OXR1: variants seen among roughly 807,000 people sequenced by gnomAD.
OXR1 encodes oxidation resistance 1.
In OXR1, 41 loss-of-function variants were observed where a neutral mutation model predicts 104.6. The ratio of observed to expected loss-of-function variants is 0.39; its 90% CI spans 0.31 to 0.51. The LOEUF (loss-of-function observed/expected upper bound fraction) is 0.51, where lower values mean the gene tolerates loss of function less well. OXR1 is among the 20% of genes least tolerant of loss of function. The pLI, the probability that OXR1 is intolerant of heterozygous loss-of-function variation, is 0.77. For missense variants in OXR1, 955 were observed against 1,031.9 expected (o/e 0.93, Z 1.02); for synonymous variants, 348 against 348.4 (o/e 1.00, Z 0.01).
Position 106,690,476 on chromosome 8 carries a change from G to A in OXR1, c.526-2252G>A, listed in dbSNP as rs146116105. On this transcript the variant is annotated intron_variant, in intron 6 of 16. Transcript: ENST00000517566. ...ATCTGAAAAATTAAACTTTATAATA[G>A]GACTTAGTGTTTGCGAAGATTTTAG... Among the ~76,000 whole-genome samples the A allele has an allele frequency of 7.4e-3, 1,116 of 150,834 alleles. 12 individuals are homozygous for A. Among genetic ancestry groups the A allele is most frequent in the Admixed American group, 0.028 (427 of 15,160 alleles).
chr8:106,551,595 T>G (rs1252292918), intron 3 of OXR1, among the ~76,000 whole-genome samples: 3 of 151,864 alleles, frequency 2.0e-5, no homozygotes, highest in Non-Finnish European at 4.4e-5. Flanking sequence ...GAGAGGGACT[T>G]CCTGGGGATG....
chr8:106,729,634 G>A (rs1215134336), intron 11 of OXR1, among the ~76,000 whole-genome samples: 1 of 152,064 alleles, frequency 6.6e-6, no homozygotes. Context: ...TATGGTAAGT[G>A]AAACATCTTC....
intron 8 of OXR1, among the ~76,000 whole-genome samples, chr8:106,703,981 A>G (rs543719825): frequency 6.6e-6 from 1 of 152,312 alleles, no homozygotes; most frequent in East Asian, 1.9e-4. Context: ...GGGCAGAGCA[A>G]CTTACAAAGG....
intron 2 of OXR1, among the ~76,000 whole-genome samples, chr8:106,447,324 A>G (rs1820051564): frequency 6.6e-6 from 1 of 152,182 alleles, no homozygotes; most frequent in Non-Finnish European, 1.5e-5. Flanking sequence ...CTGATGATAT[A>G]AAAAGATCTG....
At chr8:106,603,041 A>G (rs913391150) in intron 3 of OXR1, among the ~76,000 whole-genome samples, 1 of 152,214 alleles carries the variant, frequency 6.6e-6, no homozygotes, top group Admixed American at 6.5e-5. Flanking sequence ...TATTATTTTA[A>G]AAGCATCTTT....
At chr8:106,705,238 G>A (rs1831032096) in intron 8 of OXR1, among the ~76,000 whole-genome samples, 1 of 152,114 alleles carries the variant, frequency 6.6e-6, no homozygotes, top group African/African-American at 2.4e-5. Flanking sequence ...GATGCAGTAT[G>A]AGTGCATCAC....
intron 3 of OXR1, among the ~76,000 whole-genome samples, chr8:106,675,742 G>A (rs1308579579): frequency 6.6e-6 from 1 of 152,146 alleles, no homozygotes; most frequent in Non-Finnish European, 1.5e-5. Context: ...TTTAGAGTAT[G>A]TGCCATGTGA....
intron 2 of OXR1, among the ~76,000 whole-genome samples, chr8:106,472,005 G>C (rs1821516817): frequency 6.6e-6 from 1 of 151,882 alleles, no homozygotes; most frequent in East Asian, 1.9e-4. Context: ...AATTCCATTA[G>C]TTTTTCCACT....
chr8:106,386,829 A>G (rs1390090564), intron 2 of OXR1, among the ~76,000 whole-genome samples: 1 of 152,232 alleles, frequency 6.6e-6, no homozygotes, highest in East Asian at 1.9e-4. Context: ...GACAGGAGCT[A>G]AGAAAGAGCT....
chr8:106,727,388 AG>A (rs1373866194), intron 11 of OXR1, among the ~76,000 whole-genome samples: 8 of 152,254 alleles, frequency 5.3e-5, no homozygotes, highest in South Asian at 2.1e-4. Flanking sequence ...CATTTATTAC[AG>A]TCACCACGTC....
intron 3 of OXR1, among the ~76,000 whole-genome samples, chr8:106,653,081 AAAAT>A (rs1178605493): frequency 5.5e-4 from 67 of 121,704 alleles, no homozygotes; most frequent in African/African-American, 2.2e-3. Flanking sequence ...GAAAAAAAAA[AAAAT>A]ATATATATAT....
At chr8:106,700,556 C>T (rs1830495891) in intron 7 of OXR1, among the ~76,000 whole-genome samples, 1 of 152,154 alleles carries the variant, frequency 6.6e-6, no homozygotes, top group East Asian at 1.9e-4. Flanking sequence ...GCAGATTGAT[C>T]AGTCTAGTGG....
intron 1 of OXR1, among the ~76,000 whole-genome samples, chr8:106,346,016 C>T (rs1031231043): frequency 1.3e-5 from 2 of 152,058 alleles, no homozygotes; most frequent in Non-Finnish European, 2.9e-5. Flanking sequence ...GATTTTAAAA[C>T]TATGTAAGAT....
At chr8:106,380,922 C>A (rs1047174120) in intron 2 of OXR1, among the ~76,000 whole-genome samples, 8 of 151,920 alleles carry the variant, frequency 5.3e-5, no homozygotes, top group African/African-American at 1.7e-4. Flanking sequence ...AAATATGATT[C>A]CTGTGAATGG....
chr8:106,555,164 C>T (rs1341087516), intron 3 of OXR1, among the ~76,000 whole-genome samples: 1 of 152,070 alleles, frequency 6.6e-6, no homozygotes, highest in East Asian at 1.9e-4. Flanking sequence ...TACATCTCCC[C>T]ATTTCTCCCT....
chr8:106,303,737 CTAAA>C (rs1306455826), intron 1 of OXR1, among the ~76,000 whole-genome samples: 1 of 152,100 alleles, frequency 6.6e-6, no homozygotes, highest in Non-Finnish European at 1.5e-5. Context: ...TAAAATTTAA[CTAAA>C]TATTTTAAAA....
At chr8:106,448,972 A>G (rs915445101) in intron 2 of OXR1, among the ~76,000 whole-genome samples, 6 of 152,144 alleles carry the variant, frequency 3.9e-5, no homozygotes, top group African/African-American at 1.4e-4. Context: ...TAAAGTTTAT[A>G]GGTGGGCAGG....
chr8:106,402,749 A>G (rs1818050022), intron 2 of OXR1, among the ~76,000 whole-genome samples: 1 of 152,212 alleles, frequency 6.6e-6, no homozygotes, highest in Admixed American at 6.5e-5. Flanking sequence ...TTTTGAGAGT[A>G]TGCTGGAATC....
intron 2 of OXR1, among the ~76,000 whole-genome samples, chr8:106,504,612 C>G (rs768805942): frequency 6.6e-6 from 1 of 152,154 alleles, no homozygotes; most frequent in Non-Finnish European, 1.5e-5. Flanking sequence ...ATTACTGTCA[C>G]TATAACATTA....
Sources: gnomAD v4.1 joint callset for allele counts (sites outside exome capture counted in the v4.1 genomes callset) on GRCh38, gnomAD v4.1.1 for gene constraint, MANE v1.5 for transcripts, NCBI Gene and HGNC (gene_info 2026-07-23, HGNC 2026-07-21) for gene names.